KCNQ5: variants seen among roughly 807,000 people sequenced by gnomAD.
KCNQ5 encodes potassium voltage-gated channel subfamily Q member 5.
Under a neutral mutation model 98.2 loss-of-function variants are expected in KCNQ5, and 30 were observed. The ratio of observed to expected loss-of-function variants is 0.31; its 90% confidence interval spans 0.23 to 0.41. The LOEUF (loss-of-function observed/expected upper bound fraction) is 0.41. Ranked by LOEUF, KCNQ5 falls within the 10% of genes least tolerant of loss-of-function variation. KCNQ5 has a pLI of 1.00. For synonymous variants in KCNQ5, 458 were observed against 449.4 expected (o/e 1.02, Z -0.24); for missense variants, 835 against 1,182.5 (o/e 0.71, Z 4.31).
chr6:72,637,907 AT>A (rs2098925126), intron 1 of KCNQ5, among the ~76,000 whole-genome samples: 1 of 152,180 alleles, frequency 6.6e-6, no homozygotes, highest in Non-Finnish European at 1.5e-5. Context: ...GAACATTCAA[AT>A]TTGCCTTCAA....
chr6:72,638,626 G>A (rs1200848106), intron 1 of KCNQ5, among the ~76,000 whole-genome samples: 7 of 150,714 alleles, frequency 4.6e-5, no homozygotes, highest in African/African-American at 1.7e-4. Flanking sequence ...ACAGGTTAAA[G>A]GCAAATACCT....
chr6:72,956,281 A>C (rs1334513565), intron 1 of KCNQ5, among the ~76,000 whole-genome samples: 1 of 152,230 alleles, frequency 6.6e-6, no homozygotes, highest in African/African-American at 2.4e-5. Flanking sequence ...TATCAGAAGA[A>C]GAAAAGATCC....
At chr6:72,984,858 A>T (rs1212849705) in intron 1 of KCNQ5, among the ~76,000 whole-genome samples, 2 of 152,044 alleles carry the variant, frequency 1.3e-5, no homozygotes, top group Admixed American at 1.3e-4. Flanking sequence ...AATCCCAACA[A>T]TTTTTTTTAA....
At chr6:73,044,653 T>C (rs1771880323) in intron 3 of KCNQ5, among the ~76,000 whole-genome samples, 1 of 152,246 alleles carries the variant, frequency 6.6e-6, no homozygotes, top group South Asian at 2.1e-4. Context: ...AGACTATTTC[T>C]AGGCCCGTTC....
intron 1 of KCNQ5, among the ~76,000 whole-genome samples, chr6:72,830,470 A>C (rs1213333581): frequency 1.3e-5 from 2 of 152,224 alleles, no homozygotes; most frequent in African/African-American, 2.4e-5. Flanking sequence ...CCTGACAAAA[A>C]CAAGGAATGG....
chr6:72,673,337 A>G (rs764021230), intron 1 of KCNQ5, among the ~76,000 whole-genome samples: 6 of 152,192 alleles, frequency 3.9e-5, no homozygotes, highest in Non-Finnish European at 8.8e-5. Context: ...CCCTAAATAT[A>G]TAATGCATCA....
intron 1 of KCNQ5, among the ~76,000 whole-genome samples, chr6:72,819,924 A>G (rs1211950155): frequency 1.3e-5 from 2 of 152,068 alleles, no homozygotes; most frequent in African/African-American, 4.8e-5. Flanking sequence ...TGCTCCTGAC[A>G]CTTTCTGAGC....
At chr6:73,004,434 C>T (rs543210976) in intron 2 of KCNQ5, among the ~76,000 whole-genome samples, 5 of 152,164 alleles carry the variant, frequency 3.3e-5, no homozygotes, top group African/African-American at 1.2e-4. Context: ...CATATGGCAC[C>T]TCATAAGAAA....
chr6:72,915,592 T>C (rs1780100906), intron 1 of KCNQ5, among the ~76,000 whole-genome samples: 1 of 152,190 alleles, frequency 6.6e-6, no homozygotes. Context: ...ATGTTATTTT[T>C]AATGAGAAAT....
intron 10 of KCNQ5, among the ~76,000 whole-genome samples, chr6:73,144,919 T>C (rs1233159237): frequency 6.6e-6 from 1 of 152,228 alleles, no homozygotes; most frequent in Admixed American, 6.5e-5. Flanking sequence ...GTCCACTATG[T>C]CCTGTTGGTC....
chr6:72,693,685 G>A lies in KCNQ5; in HGVS notation c.398+71098G>A, dbSNP rs554479854. On this transcript the variant is annotated intron_variant, in intron 1 of 13. Coordinates refer to ENST00000370398, the MANE Select transcript of KCNQ5 (RefSeq NM_019842.4). ...TCAAAACTCCACCTAAAACTATTCC[G>A]GAGAGGTGAATATTGTAATTGCTTA... 7.4e-4 allele frequency among the ~76,000 whole-genome samples: 112 copies of A among 152,214 alleles called. 1 individual carries two copies. The highest frequency in any genetic ancestry group is 2.5e-3 in the African/African-American group (103 of 41,538).
At chr6:72,825,284 T>C (rs1303088063) in intron 1 of KCNQ5, among the ~76,000 whole-genome samples, 3 of 151,708 alleles carry the variant, frequency 2.0e-5, no homozygotes, top group Non-Finnish European at 4.4e-5. Flanking sequence ...CTGATTTCTA[T>C]TTTTTCCACA....
chr6:72,662,382 T>G (rs1465267796), intron 1 of KCNQ5, among the ~76,000 whole-genome samples: 1 of 152,192 alleles, frequency 6.6e-6, no homozygotes, highest in Non-Finnish European at 1.5e-5. Flanking sequence ...TGTTTCTTTT[T>G]AATTCTCTCT....
chr6:72,891,199 A>G (rs1779044088), intron 1 of KCNQ5, among the ~76,000 whole-genome samples: 1 of 152,204 alleles, frequency 6.6e-6, no homozygotes, highest in African/African-American at 2.4e-5. Flanking sequence ...TCCTTGTTTG[A>G]CAGATTTACT....
chr6:72,682,315 T>C (rs1767749874), intron 1 of KCNQ5, among the ~76,000 whole-genome samples: 1 of 152,220 alleles, frequency 6.6e-6, no homozygotes, highest in Non-Finnish European at 1.5e-5. Flanking sequence ...ACTTCCCTGA[T>C]TAACACTCCC....
At chr6:73,074,757 A>T (rs201534400) in intron 3 of KCNQ5, among the ~76,000 whole-genome samples, 13 of 70 alleles carry the variant, frequency 0.19, no homozygotes, top group Middle Eastern at 0.5. Flanking sequence ...ATGTTTATTA[A>T]AAAAAAAAAA....
intron 2 of KCNQ5, among the ~76,000 whole-genome samples, chr6:73,030,144 C>T (rs1422078504): frequency 6.6e-6 from 1 of 151,978 alleles, no homozygotes; most frequent in Non-Finnish European, 1.5e-5. Context: ...CAGCAGAAAA[C>T]TTTAAATTTT....
chr6:73,028,325 G>T (rs1352011946), intron 2 of KCNQ5, among the ~76,000 whole-genome samples: 1 of 152,118 alleles, frequency 6.6e-6, no homozygotes, highest in Non-Finnish European at 1.5e-5. Flanking sequence ...CTTCATGGCT[G>T]GCCTGGAATG....
At chr6:72,854,168 T>C (rs886873410) in intron 1 of KCNQ5, among the ~76,000 whole-genome samples, 1 of 152,212 alleles carries the variant, frequency 6.6e-6, no homozygotes, top group Admixed American at 6.5e-5. Context: ...GAAAATATAA[T>C]GCAGATCTTT....
Sources: allele counts gnomAD v4.1 joint callset (sites outside exome capture counted in the v4.1 genomes callset), GRCh38; gene constraint gnomAD v4.1.1; transcripts MANE v1.5; gene names NCBI Gene and HGNC (gene_info 2026-07-23, HGNC 2026-07-21).